PPP1R13B: variants seen among roughly 807,000 people sequenced by gnomAD.
PPP1R13B encodes protein phosphatase 1 regulatory subunit 13B, also known as apoptosis-stimulating of p53 protein 1.
A neutral mutation model predicts 119.8 loss-of-function variants in PPP1R13B; 44 were observed. That is an observed-to-expected ratio of 0.37 (90% CI 0.29 to 0.47). The LOEUF (loss-of-function observed/expected upper bound fraction) is 0.47, where lower values mean the gene tolerates loss of function less well. Among genes scored for constraint, PPP1R13B ranks in the 20% least tolerant of loss-of-function variants. The pLI is 0.99. For synonymous variants in PPP1R13B, 542 were observed against 561.5 expected (o/e 0.97, Z 0.49); for missense variants, 1,227 against 1,413.5 (o/e 0.87, Z 2.12).
Position 103,746,405 on chromosome 14 carries a change from G to A in PPP1R13B, c.1118C>T (p.Ala373Val), listed in dbSNP as rs1341573061. The A allele has an allele frequency of 1.2e-6, 2 of 1,612,708 alleles. No homozygotes were observed. Among genetic ancestry groups the A allele is most frequent in the South Asian group, 2.2e-5 (2 of 90,954 alleles). Residue 373 changes from alanine (A) to valine (V), a missense_variant, in exon 9 of 17, where the codon GCC becomes GTC. Transcript: ENST00000202556. ...GGATCTTCCATGAGCAGCATTTGAG[G>A]CAATACTGAGAGACTGGGGCTTTAT... ...DPIKPQSLSI[A>V]SNAAHGRSKS...
In PPP1R13B at chr14:103,742,037, C is replaced by T. The variant is rs201837852; in HGVS notation, c.1575G>A (p.Pro525=). Residue 525 remains proline, a synonymous_variant, in exon 11 of 17, where the codon CCG becomes CCA. Coordinates refer to ENST00000202556, the MANE Select transcript of PPP1R13B (RefSeq NM_015316.3). The surrounding 1 kb of genome is among the most constrained non-coding windows in gnomAD (Gnocchi z 4.9). The part of the protein sequence containing the change: ...SQQIQQRISV[P]PSPTYPPAGP... ...CCGCTGGCGGGTACGTGGGACTTGG[C>T]GGTACGGAAATCCTCTGCTGAATCT... 63 of 1,614,090 alleles carry T rather than the reference C, an allele frequency of 3.9e-5. No individual in the cohort carries two copies. The highest frequency in any genetic ancestry group is 3.5e-4 in the African/African-American group (26 of 74,946).
chr14:103,739,545 C>T lies in PPP1R13B; in HGVS notation c.2592+279G>A, dbSNP rs182068338. Among the ~76,000 whole-genome samples, 8 of 152,324 alleles carry T rather than the reference C, an allele frequency of 5.3e-5. No homozygotes were observed. The East Asian group carries it at 9.6e-4, about 18-fold the overall frequency. ...TCTCTACAGGACCTTCAGGTGCCAG[C>T]GACAGCTCCCCTTCCTCAGGAAAGC... On this transcript the variant is annotated intron_variant, in intron 12 of 16. Coordinates refer to ENST00000202556, the MANE Select transcript of PPP1R13B (RefSeq NM_015316.3).
intron 1 of PPP1R13B, among the ~76,000 whole-genome samples, chr14:103,819,097 T>C (rs8020907): frequency 0.033 from 4,950 of 152,264 alleles, 235 homozygotes; most frequent in African/African-American, 0.1. Flanking sequence ...GCAAAGGCCC[T>C]GAGGCAGAAT....
At chr14:103,847,253 G>T in intron 1 of PPP1R13B, 46 bp downstream of exon 1, 1 of 1,167,294 alleles carries the variant, frequency 8.6e-7, no homozygotes, top group Non-Finnish European at 1.1e-6. Context: ...TTTGGCCAGC[G>T]GCCCGCGGAG....
chr14:103,746,767 C>G (rs2084396370), intron 8 of PPP1R13B: 5 of 457,788 alleles, frequency 1.1e-5, no homozygotes, highest in Middle Eastern at 5.8e-4. Flanking sequence ...ACCCACCCAT[C>G]TGGAGCTGTA....
intron 2 of PPP1R13B, among the ~76,000 whole-genome samples, chr14:103,785,655 G>A (rs2085445319): frequency 6.6e-6 from 1 of 151,874 alleles, no homozygotes; most frequent in South Asian, 2.1e-4. Flanking sequence ...GGGATTACAG[G>A]TGCCCACCAC....
At chr14:103,838,497 A>G (rs552377779) in intron 1 of PPP1R13B, among the ~76,000 whole-genome samples, 1 of 152,344 alleles carries the variant, frequency 6.6e-6, no homozygotes. Context: ...TCCAAATAAA[A>G]TAATCTGAAA....
chr14:103,755,765 G>C (rs183955802), intron 5 of PPP1R13B, among the ~76,000 whole-genome samples: 4 of 152,220 alleles, frequency 2.6e-5, no homozygotes, highest in Admixed American at 2.6e-4. Flanking sequence ...AGCAGAATTA[G>C]AAAATTTTTA....
In PPP1R13B at chr14:103,813,569, C is replaced by T. The variant is rs2086208802; in HGVS notation, c.10-16051G>A. On this transcript the variant is annotated intron_variant, in intron 1 of 16. Transcript: ENST00000202556. ...TGCTGGCATTCGTTCTCTCTCCTGT[C>T]AGCCTGTGAAGAGGTGCCTTCCGCC... is the stretch of plus-strand genomic sequence containing the variant. Among the ~76,000 whole-genome samples the T allele has an allele frequency of 2.6e-5, 4 of 152,324 alleles. 1 individual carries two copies. Among genetic ancestry groups the T allele is most frequent in the Middle Eastern group, 6.8e-3 (2 of 294 alleles).
chr14:103,808,534 CTGGGCCTCCTG>C (rs1226035764), intron 1 of PPP1R13B, among the ~76,000 whole-genome samples: 1 of 152,174 alleles, frequency 6.6e-6, no homozygotes, highest in Non-Finnish European at 1.5e-5. Flanking sequence ...CAAAGCTGTC[CTGGGCCTCCTG>C]TGGCCCGGTG....
chr14:103,739,009 G>A lies in PPP1R13B; in HGVS notation c.2607C>T (p.Asn869=). ...PPATSTNKRT[N]LKKPNSERTG... is the part of the protein sequence containing the mutation. ...TCCGCTCCGAGTTGGGCTTCTTCAA[G>A]TTGGTCCGCTTGTTCTGTTGGGAAG... Residue 869 remains asparagine, a synonymous_variant, in exon 13 of 17, where the codon AAC becomes AAT. Coordinates refer to ENST00000202556, the MANE Select transcript of PPP1R13B (RefSeq NM_015316.3). 1 of 1,613,742 alleles carries A rather than the reference G, an allele frequency of 6.2e-7. No homozygotes were observed. The highest frequency in any genetic ancestry group is 1.3e-5 in the African/African-American group (1 of 75,064).
Position 103,800,845 on chromosome 14 carries a change from AT to A in PPP1R13B, c.10-3328del, listed in dbSNP as rs1021361548. On this transcript the variant is annotated intron_variant, in intron 1 of 16. Transcript: ENST00000202556. ...TCTAACTCCTCACCGTTACCATTTC[AT>A]TTTTTTTCTTCTTCTTTTTTTGAGA... Among the ~76,000 whole-genome samples, 10 of 151,080 alleles carry A rather than the reference AT, an allele frequency of 6.6e-5. No homozygotes were observed. In the South Asian group the frequency reaches 1.5e-3, roughly 22 times the overall value.
rs2084241179 is a variant in PPP1R13B at position 103,740,878 on chromosome 14, C to T, written c.1823-285G>A. 6.6e-6 allele frequency among the ~76,000 whole-genome samples: 1 copy of T among 152,238 alleles called. No individual in the cohort carries two copies. The highest frequency in any genetic ancestry group is 2.4e-5 in the African/African-American group (1 of 41,456). The stretch of plus-strand genomic sequence containing the variant: ...AAATAGGGTGCTAACCCGACTTTTC[C>T]TGCCGCAGACAAGCCTGCCTGTTTT... On this transcript the variant is annotated intron_variant, in intron 11 of 16. Transcript: ENST00000202556. This position sits in a 1 kb window ranked among gnomAD's most constrained non-coding sequence, Gnocchi z 4.6.
Position 103,742,885 on chromosome 14 carries a change from T to G in PPP1R13B, c.1151-62A>C. On this transcript the variant is annotated intron_variant, in intron 9 of 16. Transcript: ENST00000202556. This position sits in a 1 kb window ranked among gnomAD's most constrained non-coding sequence, Gnocchi z 4.9. ...CAATGTAGTTGAACCAACCTAAGAA[T>G]AACACTCTGCCAGAAACAAAAACAG... 1.3e-6 allele frequency: 2 copies of G among 1,573,888 alleles called. No individual in the cohort carries two copies. Among genetic ancestry groups the G allele is most frequent in the Non-Finnish European group, 8.7e-7 (1 of 1,152,270 alleles).
rs116139900 is a variant in PPP1R13B at position 103,735,297 on chromosome 14, G to A, written c.3232-102C>T. On this transcript the variant is annotated intron_variant, in intron 16 of 16. Coordinates refer to ENST00000202556, the MANE Select transcript of PPP1R13B (RefSeq NM_015316.3). ...CTCACCTCAGCCACCCTGGACAGCC[G>A]TGCAGCACCCTTGTCCCTCAGGCCT... The A allele has an allele frequency of 1.9e-3, 2,147 of 1,106,150 alleles. 26 individuals are homozygous for A. In the African/African-American group the frequency reaches 0.023, roughly 12 times the overall value. The allele number at this position is 1,106,150 out of a possible 1,614,324, so 68.5% of individuals were successfully genotyped here.
At position 103,742,507 on chromosome 14, in the gene PPP1R13B, G is replaced by A. The variant is rs1020315624; in HGVS notation, c.1320+147C>T. Reference sequence around the variant, plus strand: ...GGGCTGCTCAGGCTCTTAGGGCCCAGTAACCCTCTAGGACTTTGGGTGTTG... The same window carrying A: ...GGGCTGCTCAGGCTCTTAGGGCCCAATAACCCTCTAGGACTTTGGGTGTTG... On this transcript the variant is annotated intron_variant, in intron 10 of 16. Transcript: ENST00000202556. The surrounding 1 kb of genome is among the most constrained non-coding windows in gnomAD (Gnocchi z 4.9). The A allele has an allele frequency of 1.5e-5, 19 of 1,296,576 alleles. No individual in the cohort carries two copies. Among genetic ancestry groups the A allele is most frequent in the Middle Eastern group, 2.8e-4 (1 of 3,566 alleles). 80.3% of individuals were successfully genotyped at this position (1,296,576 alleles called of 1,614,324 possible).
intron 2 of PPP1R13B, chr14:103,797,141 C>A: frequency 3.1e-6 from 1 of 318,470 alleles, no homozygotes; most frequent in Non-Finnish European, 5.6e-6. Flanking sequence ...TTGTAAAACT[C>A]AGTCCTGTGC....
At chr14:103,794,280 A>ACT (rs1224195895) in intron 2 of PPP1R13B, among the ~76,000 whole-genome samples, 1 of 151,884 alleles carries the variant, frequency 6.6e-6, no homozygotes, top group Non-Finnish European at 1.5e-5. Context: ...TCTACGACAT[A>ACT]CTGATCATAC....
At chr14:103,777,467 A>C (rs1366187217) in intron 4 of PPP1R13B, among the ~76,000 whole-genome samples, 1 of 152,188 alleles carries the variant, frequency 6.6e-6, no homozygotes, top group Non-Finnish European at 1.5e-5. Flanking sequence ...GATGCAAAGC[A>C]AGTCAGCCTA....
Sources: gnomAD v4.1 joint callset for allele counts (sites outside exome capture counted in the v4.1 genomes callset) on GRCh38, gnomAD v4.1.1 for gene constraint, Gnocchi (gnomAD v3.1) non-coding constraint, MANE v1.5 for transcripts, NCBI Gene and HGNC (gene_info 2026-07-23, HGNC 2026-07-21) for gene names.